MLLT3: variants seen among roughly 807,000 people sequenced by gnomAD.
MLLT3 encodes protein AF-9.
Under a neutral mutation model 53.2 loss-of-function variants are expected in MLLT3, and 4 were observed. That is an observed-to-expected ratio of 0.08 (90% CI 0.04 to 0.17). The LOEUF is 0.17. Ranked by LOEUF, MLLT3 falls within the 10% of genes least tolerant of loss-of-function variation. The pLI is 1.00. For missense variants in MLLT3, 569 were observed against 684.0 expected, an observed-to-expected ratio of 0.83 and a Z score of 1.87; for synonymous variants, 283 against 230.6, an observed-to-expected ratio of 1.23 and a Z score of -2.06.
intron 2 of MLLT3, among the ~76,000 whole-genome samples, chr9:20,583,506 C>T (rs1439375160): frequency 3.3e-5 from 5 of 152,188 alleles, no homozygotes; most frequent in African/African-American, 1.2e-4. Context: ...AGCAGAGGTT[C>T]TCCATGAGGG....
intron 5 of MLLT3, among the ~76,000 whole-genome samples, chr9:20,367,114 C>A (rs986127967): frequency 6.6e-6 from 1 of 152,144 alleles, no homozygotes; most frequent in Admixed American, 6.5e-5. Context: ...TTTGTAAATT[C>A]TCTTTAATTC....
chr9:20,476,056 GT>G (rs200799299), intron 2 of MLLT3, among the ~76,000 whole-genome samples: 44 of 151,582 alleles, frequency 2.9e-4, no homozygotes, highest in African/African-American at 1.0e-3. Flanking sequence ...TTAATGCGCT[GT>G]TTTTTTTGTG....
intron 5 of MLLT3, among the ~76,000 whole-genome samples, chr9:20,407,323 T>C (rs879470116): frequency 2.0e-5 from 3 of 152,180 alleles, no homozygotes; most frequent in African/African-American, 7.2e-5. Flanking sequence ...TGATATAGTA[T>C]AATAAGGTGC....
In MLLT3 at chr9:20,554,495, C is replaced by A. The variant is rs148612145; in HGVS notation, c.193+66159G>T. 3.4e-3 allele frequency among the ~76,000 whole-genome samples: 524 copies of A among 152,176 alleles called. 3 individuals are homozygous for A. The highest frequency in any genetic ancestry group is 5.5e-3 in the Non-Finnish European group (372 of 67,986). On this transcript the variant is annotated intron_variant, in intron 2 of 10. Transcript: ENST00000380338. ...GGATGACATGAACAAAATATACTCACAGAATGTTACAACAGTCCATATAAG... is the reference window on the plus strand; with the variant it reads ...GGATGACATGAACAAAATATACTCAAAGAATGTTACAACAGTCCATATAAG...
intron 2 of MLLT3, among the ~76,000 whole-genome samples, chr9:20,545,561 G>C (rs1290193671): frequency 6.6e-6 from 1 of 152,100 alleles, no homozygotes; most frequent in Non-Finnish European, 1.5e-5. Context: ...TTTATGTTAT[G>C]TGTAAAAGTT....
At chr9:20,581,043 C>T (rs572448688) in intron 2 of MLLT3, among the ~76,000 whole-genome samples, 1 of 152,304 alleles carries the variant, frequency 6.6e-6, no homozygotes, top group East Asian at 1.9e-4. Flanking sequence ...ACTATGAACA[C>T]ACCCGTTTAT....
intron 2 of MLLT3, among the ~76,000 whole-genome samples, chr9:20,548,579 T>C (rs1416255918): frequency 2.6e-5 from 4 of 152,218 alleles, no homozygotes; most frequent in African/African-American, 9.7e-5. Flanking sequence ...CTTACCCTAA[T>C]TATGTGAAAT....
At chr9:20,555,116 A>G (rs1018900839) in intron 2 of MLLT3, among the ~76,000 whole-genome samples, 5 of 152,258 alleles carry the variant, frequency 3.3e-5, no homozygotes, top group African/African-American at 9.6e-5. Context: ...GCCACTCCCA[A>G]TCATCCCCTT....
intron 2 of MLLT3, among the ~76,000 whole-genome samples, chr9:20,526,491 T>C (rs988457763): frequency 1.3e-5 from 2 of 152,242 alleles, no homozygotes; most frequent in African/African-American, 4.8e-5. Context: ...CATGCTTATG[T>C]GTATGGCTTC....
chr9:20,577,228 A>T (rs2131170242), intron 2 of MLLT3, among the ~76,000 whole-genome samples: 1 of 152,306 alleles, frequency 6.6e-6, no homozygotes, highest in Non-Finnish European at 1.5e-5. Context: ...ATTTCAATTT[A>T]GTATTGCTTC....
intron 2 of MLLT3, among the ~76,000 whole-genome samples, chr9:20,583,883 T>A (rs1327891827): frequency 1.3e-5 from 2 of 152,228 alleles, no homozygotes; most frequent in Non-Finnish European, 2.9e-5. Flanking sequence ...CCCCATGGTC[T>A]TGGGGATTAA....
At chr9:20,357,979 GCGCACACACACACA>G (rs1470643644) in intron 8 of MLLT3, among the ~76,000 whole-genome samples, 5 of 137,778 alleles carry the variant, frequency 3.6e-5, no homozygotes, top group Admixed American at 1.4e-4. Flanking sequence ...CCTCCCTCCT[GCGCACACACACACA>G]CACACACACA....
Position 20,346,350 on chromosome 9 carries a change from T to C in MLLT3, c.*93A>G, listed in dbSNP as rs1587135135. ...GGTTGCATCATTTTGAGTGTTTTCA[T>C]ATAAACAACAAGAACAAAAAATCAC... On this transcript the variant is annotated 3_prime_UTR_variant, in exon 11 of 11. Coordinates refer to ENST00000380338, the MANE Select transcript of MLLT3 (RefSeq NM_004529.4). 1 of 1,239,328 alleles carries C rather than the reference T, an allele frequency of 8.1e-7. No individual in the cohort carries two copies. Among genetic ancestry groups the C allele is most frequent in the African/African-American group, 2.0e-5 (1 of 49,346 alleles). The allele number at this position is 1,239,328 out of a possible 1,614,324, so 76.8% of individuals were successfully genotyped here.
intron 2 of MLLT3, among the ~76,000 whole-genome samples, chr9:20,481,969 C>G (rs1415714297): frequency 6.6e-6 from 1 of 152,166 alleles, no homozygotes; most frequent in Non-Finnish European, 1.5e-5. Context: ...GTCTCAAGAA[C>G]ATGCTGAAAA....
chr9:20,495,660 C>G (rs1825064810), intron 2 of MLLT3, among the ~76,000 whole-genome samples: 1 of 152,094 alleles, frequency 6.6e-6, no homozygotes, highest in South Asian at 2.1e-4. Flanking sequence ...TATCTGTTCA[C>G]CATTCTCTAT....
At chr9:20,604,056 G>A (rs1450373570) in intron 2 of MLLT3, among the ~76,000 whole-genome samples, 1 of 152,014 alleles carries the variant, frequency 6.6e-6, no homozygotes, top group Non-Finnish European at 1.5e-5. Flanking sequence ...AAGCCTCAGG[G>A]CAAACACACT....
chr9:20,580,326 A>C (rs909306745), intron 2 of MLLT3, among the ~76,000 whole-genome samples: 1 of 152,056 alleles, frequency 6.6e-6, no homozygotes, highest in African/African-American at 2.4e-5. Flanking sequence ...TAAGAGTCCC[A>C]TCTAACACTT....
chr9:20,540,596 G>T (rs1477250206), intron 2 of MLLT3, among the ~76,000 whole-genome samples: 1 of 152,224 alleles, frequency 6.6e-6, no homozygotes. Context: ...AGATGGAGCA[G>T]CTGGGACACA....
intron 2 of MLLT3, among the ~76,000 whole-genome samples, chr9:20,478,075 C>A (rs929547137): frequency 2.6e-5 from 4 of 151,846 alleles, no homozygotes; most frequent in Non-Finnish European, 5.9e-5. Context: ...TCCCCTAAAC[C>A]CTGCCCTGGG....
Sources: gnomAD v4.1 joint callset for allele counts (sites outside exome capture counted in the v4.1 genomes callset) on GRCh38, gnomAD v4.1.1 for gene constraint, MANE v1.5 for transcripts, NCBI Gene and HGNC (gene_info 2026-07-23, HGNC 2026-07-21) for gene names.